RFX4: variants seen among roughly 807,000 people sequenced by gnomAD.
The protein encoded by RFX4 is transcription factor RFX4.
Under a neutral mutation model 95.0 loss-of-function variants are expected in RFX4, and 10 were observed. That is an observed-to-expected ratio of 0.11 (90% confidence interval 0.06 to 0.18). The LOEUF is 0.18. Among genes scored for constraint, RFX4 ranks in the 10% least tolerant of loss-of-function variants. RFX4 has a pLI of 1.00. For missense variants in RFX4, 640 were observed against 922.0 expected, an observed-to-expected ratio of 0.69 and a Z score of 3.96; for synonymous variants, 321 against 340.7, an observed-to-expected ratio of 0.94 and a Z score of 0.64.
At chr12:106,645,807 T>G in intron 3 of RFX4, 4 of 811,010 alleles carry the variant, frequency 4.9e-6, no homozygotes, top group Non-Finnish European at 7.1e-6. Flanking sequence ...TTTCATAATG[T>G]GAGTTAGGTA....
chr12:106,606,874 T>C (rs865857966), intron 1 of RFX4, among the ~76,000 whole-genome samples: 4 of 152,354 alleles, frequency 2.6e-5, no homozygotes, highest in Middle Eastern at 3.4e-3. Context: ...CTCGTCCGCG[T>C]GGCTTCTTTT....
chr12:106,593,515 G>A (rs1019973938), intron 1 of RFX4, among the ~76,000 whole-genome samples: 1 of 152,208 alleles, frequency 6.6e-6, no homozygotes, highest in Non-Finnish European at 1.5e-5. Context: ...TCTAACGAGT[G>A]ATTAGTGATT....
At chr12:106,647,279 C>T (rs1222906560) in intron 3 of RFX4, among the ~76,000 whole-genome samples, 1 of 152,114 alleles carries the variant, frequency 6.6e-6, no homozygotes, top group Non-Finnish European at 1.5e-5. Flanking sequence ...AGGCATCATA[C>T]CTGAGTTCAT....
At chr12:106,683,294 T>C (rs1204057841) in intron 5 of RFX4, 1 of 151,530 alleles carries the variant, frequency 6.6e-6, no homozygotes, top group Non-Finnish European at 1.5e-5. Flanking sequence ...GGAAAGAAAA[T>C]GGATGATCGA....
intron 2 of RFX4, among the ~76,000 whole-genome samples, chr12:106,633,152 T>C (rs2040449450): frequency 6.6e-6 from 1 of 152,190 alleles, no homozygotes; most frequent in African/African-American, 2.4e-5. Context: ...ATTCAGACCC[T>C]GGGCACAAAG....
At chr12:106,760,940 G>A (rs936732911) in intron 17 of RFX4, among the ~76,000 whole-genome samples, 1 of 152,078 alleles carries the variant, frequency 6.6e-6, no homozygotes, top group South Asian at 2.1e-4. Flanking sequence ...CCAAGATATT[G>A]TAGATTAGGA....
At chr12:106,692,848 T>A (rs2041810086) in intron 7 of RFX4, among the ~76,000 whole-genome samples, 3 of 152,166 alleles carry the variant, frequency 2.0e-5, no homozygotes, top group Non-Finnish European at 4.4e-5. Flanking sequence ...TAGGAAGACA[T>A]CATTATCTTC....
intron 1 of RFX4, among the ~76,000 whole-genome samples, chr12:106,595,000 A>T (rs553340230): frequency 6.6e-6 from 1 of 152,216 alleles, no homozygotes; most frequent in East Asian, 1.9e-4. Flanking sequence ...TTTCAAAATT[A>T]TTAGTTTCTT....
chr12:106,730,837 T>C (rs1445653428), intron 13 of RFX4, among the ~76,000 whole-genome samples: 3 of 152,078 alleles, frequency 2.0e-5, no homozygotes, highest in Non-Finnish European at 4.4e-5. Context: ...CCATCTCTAC[T>C]AAAAATACAA....
intron 3 of RFX4, among the ~76,000 whole-genome samples, chr12:106,643,425 A>T (rs879768787): frequency 5.3e-5 from 8 of 152,234 alleles, no homozygotes; most frequent in Non-Finnish European, 8.8e-5. Flanking sequence ...TAGGGAAAAG[A>T]AAGTAGGACA....
At chr12:106,670,415 G>A (rs1047593225) in intron 4 of RFX4, among the ~76,000 whole-genome samples, 1 of 152,162 alleles carries the variant, frequency 6.6e-6, no homozygotes, top group Non-Finnish European at 1.5e-5. Flanking sequence ...GGACAATGAG[G>A]TGTTCACATA....
intron 2 of RFX4, among the ~76,000 whole-genome samples, chr12:106,618,894 A>T (rs992380039): frequency 1.3e-5 from 2 of 152,090 alleles, no homozygotes; most frequent in African/African-American, 4.8e-5. Context: ...TAGCTTTTCA[A>T]TTATACATTC....
At chr12:106,713,233 A>C (rs2042224536) in intron 10 of RFX4, among the ~76,000 whole-genome samples, 1 of 152,156 alleles carries the variant, frequency 6.6e-6, no homozygotes, top group South Asian at 2.1e-4. Context: ...GACTCACCTC[A>C]AATACTTAGA....
chr12:106,648,959 T>C (rs905084893), intron 3 of RFX4, among the ~76,000 whole-genome samples: 1 of 152,118 alleles, frequency 6.6e-6, no homozygotes, highest in Non-Finnish European at 1.5e-5. Context: ...TTCTTAAAAA[T>C]ATATAACTCA....
chr12:106,697,994 C>T (rs923359606), intron 8 of RFX4, among the ~76,000 whole-genome samples: 10 of 150,500 alleles, frequency 6.6e-5, no homozygotes, highest in East Asian at 3.9e-4. Context: ...TTTTTTGAGA[C>T]GGAGTTTTGC....
intron 5 of RFX4, 36 bp downstream of exon 5, chr12:106,682,090 A>C: frequency 6.2e-7 from 1 of 1,609,046 alleles, no homozygotes; most frequent in Non-Finnish European, 8.5e-7. Flanking sequence ...TGCAGAGCGC[A>C]CATCTATGGG....
chr12:106,587,043 T>C (rs1320331478), intron 1 of RFX4, among the ~76,000 whole-genome samples: 1 of 152,168 alleles, frequency 6.6e-6, no homozygotes, highest in Non-Finnish European at 1.5e-5. Flanking sequence ...AGCGCCGGCG[T>C]CTGGATTTGG....
intron 1 of RFX4, among the ~76,000 whole-genome samples, chr12:106,588,410 C>T (rs2039493830): frequency 6.6e-6 from 1 of 152,084 alleles, no homozygotes; most frequent in African/African-American, 2.4e-5. Context: ...CATCACAGAC[C>T]CTCACATATG....
At chr12:106,608,146 G>A (rs1332645140) in intron 1 of RFX4, among the ~76,000 whole-genome samples, 2 of 152,110 alleles carry the variant, frequency 1.3e-5, no homozygotes, top group Non-Finnish European at 2.9e-5. Flanking sequence ...CCGAGATCAC[G>A]CCATTGCACT....
Sources: allele counts gnomAD v4.1 joint callset (sites outside exome capture counted in the v4.1 genomes callset), GRCh38; gene constraint gnomAD v4.1.1; transcripts MANE v1.5; gene names NCBI Gene and HGNC (gene_info 2026-07-23, HGNC 2026-07-21).